The following ADCY3 variants were observed in gnomAD, a reference collection of about 807,000 sequenced individuals.
The protein encoded by ADCY3 is adenylate cyclase 3, also known as adenylate cyclase type 3.
ADCY3 carries 70 observed loss-of-function variants against 119.4 expected under a neutral mutation model. That is an observed-to-expected ratio of 0.59 (90% CI 0.48 to 0.72). ADCY3 has a LOEUF of 0.72. Among genes scored for constraint, ADCY3 ranks in the 30% least tolerant of loss-of-function variants. The pLI is 0.00. For synonymous variants in ADCY3, 672 were observed against 621.4 expected, an observed-to-expected ratio of 1.08 and a Z score of -1.21; for missense variants, 1,238 against 1,541.6, an observed-to-expected ratio of 0.80 and a Z score of 3.30.
In ADCY3 at chr2:24,821,055, C is replaced by T. The variant is rs560603340; in HGVS notation, c.3128-207G>A. The T allele has an allele frequency of 1.1e-4, 73 of 651,398 alleles. 1 individual carries two copies. The highest frequency in any genetic ancestry group is 5.9e-4 in the South Asian group (28 of 47,752). 40.4% of individuals were successfully genotyped at this position (651,398 alleles called of 1,614,324 possible). ...GTTAGGTGTCAGCCGCCACCCCCCC[C>T]CCATATGCAGATTTACTCGGCATGG... is the stretch of plus-strand genomic sequence containing the variant. On this transcript the variant is annotated intron_variant, in intron 20 of 21. Coordinates refer to ENST00000679454, the MANE Select transcript of ADCY3 (RefSeq NM_004036.5).
Position 24,826,066 on chromosome 2 carries a change from G to A in ADCY3, c.2556C>T (p.Ser852=). 2 of 1,614,126 alleles carry A rather than the reference G, an allele frequency of 1.2e-6. No individual in the cohort carries two copies. The highest frequency in any genetic ancestry group is 1.1e-5 in the South Asian group (1 of 91,074). The change falls in exon 16 of 22, where the codon AGC becomes AGT. Residue 852 remains serine (S), a synonymous_variant. Transcript: ENST00000679454. ...MTVMVFLMML[S]FYYFSRHVEK... is the part of the protein sequence containing the mutation. The stretch of plus-strand genomic sequence containing the variant: ...TCACGTGGCGGGAGAAGTAGTAGAA[G>A]CTGAGCATCATGAGGAACACCATCA...
rs1251967131 is a variant in ADCY3, at chr2:24,839,935, C to T, written c.1293G>A (p.Gln431=). Residue 431 remains glutamine, a synonymous_variant, in exon 7 of 22, where the codon CAG becomes CAA. Coordinates refer to ENST00000679454, the MANE Select transcript of ADCY3 (RefSeq NM_004036.5). Reference sequence around the variant, plus strand: ...TGACATCAGTCGACCACACGTCGTACTGCCAGCGCTTCTGGCCCAGGACGC... The same window carrying T: ...TGACATCAGTCGACCACACGTCGTATTGCCAGCGCTTCTGGCCCAGGACGC... The part of the protein sequence containing the change: ...LGGVLGQKRW[Q]YDVWSTDVTV... 1.2e-6 allele frequency: 2 copies of T among 1,613,892 alleles called. No homozygotes were observed. Among genetic ancestry groups the T allele is most frequent in the East Asian group, 2.2e-5 (1 of 44,878 alleles).
chr2:24,905,226 T>G (rs1480759405), intron 2 of ADCY3, among the ~76,000 whole-genome samples: 1 of 151,508 alleles, frequency 6.6e-6, no homozygotes, highest in African/African-American at 2.4e-5. Flanking sequence ...CTCTGCCCCC[T>G]GGGTTCACAC....
At chr2:24,908,762 C>T (rs558061621) in intron 2 of ADCY3, among the ~76,000 whole-genome samples, 99 of 152,298 alleles carry the variant, frequency 6.5e-4, no homozygotes, top group African/African-American at 2.2e-3. Context: ...GAGCATCAAT[C>T]GTGCAAAACA....
At chr2:24,859,321 C>T (rs1673367681) in intron 3 of ADCY3, among the ~76,000 whole-genome samples, 1 of 152,164 alleles carries the variant, frequency 6.6e-6, no homozygotes, top group African/African-American at 2.4e-5. Context: ...ACAGCCCTCC[C>T]ACTCGACACC....
At chr2:24,838,177 C>T (rs560549520) in intron 8 of ADCY3, among the ~76,000 whole-genome samples, 18 of 152,064 alleles carry the variant, frequency 1.2e-4, no homozygotes, top group Non-Finnish European at 2.1e-4. Context: ...TGGGCGCCAC[C>T]GACACATCTC....
In ADCY3 at chr2:24,827,883, CA is replaced by C; in HGVS notation, c.2432+18del. The C allele has an allele frequency of 6.2e-7, 1 of 1,613,354 alleles. No individual in the cohort carries two copies. Among genetic ancestry groups the C allele is most frequent in the Non-Finnish European group, 8.5e-7 (1 of 1,179,568 alleles). On this transcript the variant is annotated intron_variant, in intron 14 of 21. Coordinates refer to ENST00000679454, the MANE Select transcript of ADCY3 (RefSeq NM_004036.5). ...GGAGGAAGGAGACAATACAGATCCC[CA>C]GTCACGCTTCATCTTACTCGTGCTC... is the stretch of plus-strand genomic sequence containing the variant.
In ADCY3 at chr2:24,918,185, GT is replaced by G. The variant is rs1664688814; in HGVS notation, c.675+127del. 1 of 1,026,804 alleles carries G rather than the reference GT, an allele frequency of 9.7e-7. No homozygotes were observed. 63.6% of individuals were successfully genotyped at this position (1,026,804 alleles called of 1,614,324 possible). A position where few individuals can be genotyped will look rare whatever the true frequency, so the allele number is the denominator to read the frequency against. ...GAAAAGGCAGGGACTAGGGAGAGAG[GT>G]GAGAGCCCCGGAGGCCCCCAGGACA... On this transcript the variant is annotated intron_variant, in intron 2 of 21. Coordinates refer to ENST00000679454, the MANE Select transcript of ADCY3 (RefSeq NM_004036.5). This position sits in a 1 kb window ranked among gnomAD's most constrained non-coding sequence, Gnocchi z 5.4.
chr2:24,852,806 A>G (rs7597332), intron 3 of ADCY3, among the ~76,000 whole-genome samples: 79,877 of 152,118 alleles, frequency 0.53, 23,868 homozygotes, highest in African/African-American at 0.83. Flanking sequence ...CGGTGCTGGG[A>G]GTGCAGCCCT....
chr2:24,826,412 G>A, intron 15 of ADCY3: 1 of 338,040 alleles, frequency 3.0e-6, no homozygotes, highest in South Asian at 5.4e-5. Context: ...TTGCCTGACT[G>A]ATCACAGAGG....
intron 3 of ADCY3, among the ~76,000 whole-genome samples, chr2:24,864,490 A>C (rs1408147124): frequency 6.6e-6 from 1 of 152,234 alleles, no homozygotes; most frequent in Non-Finnish European, 1.5e-5. Flanking sequence ...CCAAATGTCC[A>C]AATGAACAAA....
chr2:24,895,712 T>C (rs547663354), intron 2 of ADCY3, among the ~76,000 whole-genome samples: 2 of 151,966 alleles, frequency 1.3e-5, no homozygotes, highest in African/African-American at 4.8e-5. Context: ...ACACAACCTA[T>C]GCCGTTGAGC....
Position 24,834,296 on chromosome 2 carries a change from G to A in ADCY3, c.1967+189C>T, listed in dbSNP as rs1039529380. Among the ~76,000 whole-genome samples, 17 of 152,204 alleles carry A rather than the reference G, an allele frequency of 1.1e-4. No homozygotes were observed. Among genetic ancestry groups the A allele is most frequent in the African/African-American group, 3.4e-4 (14 of 41,458 alleles). ...GGACTGCTCCAAAACGCGGGGCAGG[G>A]AAAAGGAAGGATGCCCAGGGTGCCG... is the stretch of plus-strand genomic sequence containing the variant. On this transcript the variant is annotated intron_variant, in intron 11 of 21. Transcript: ENST00000679454. This position sits in a 1 kb window ranked among gnomAD's most constrained non-coding sequence, Gnocchi z 4.2.
rs1670990132 is a variant in ADCY3, at chr2:24,841,342, G to A, written c.1113C>T (p.Tyr371=). Reference sequence around the variant, plus strand: ...GGTAGTCGGGCAAGCCGCAGATGCAGTAGTAGCAGTCGCCCAGGATCTTAA... The same window carrying A: ...GGTAGTCGGGCAAGCCGCAGATGCAATAGTAGCAGTCGCCCAGGATCTTAA... ...LRIKILGDCY[Y]CICGLPDYRE... Residue 371 remains tyrosine (Y), a synonymous_variant, in exon 6 of 22, where the codon TAC becomes TAT. Transcript: ENST00000679454. This position sits in a 1 kb window ranked among gnomAD's most constrained non-coding sequence, Gnocchi z 5.8. 6.2e-7 allele frequency: 1 copy of A among 1,603,344 alleles called. No individual in the cohort carries two copies. The highest frequency in any genetic ancestry group is 1.7e-5 in the Admixed American group (1 of 58,258).
rs141287481 is a variant in ADCY3, at chr2:24,880,422, G to A, written c.676-7703C>T. Among the ~76,000 whole-genome samples, 1,146 of 152,304 alleles carry A rather than the reference G, an allele frequency of 7.5e-3. 11 individuals carry two copies. The highest frequency in any genetic ancestry group is 0.026 in the African/African-American group (1,076 of 41,560). On this transcript the variant is annotated intron_variant, in intron 2 of 21. Transcript: ENST00000679454. ...AGGCTCCCCTCCCTCCAATCACAAT[G>A]GGCCTCTCTCCAGTCCTCCCTATAA...
At position 24,831,798 on chromosome 2, in the gene ADCY3, T is replaced by A. The variant is rs760873199; in HGVS notation, c.1968-49A>T. On this transcript the variant is annotated intron_variant, in intron 11 of 21. Coordinates refer to ENST00000679454, the MANE Select transcript of ADCY3 (RefSeq NM_004036.5). Reference sequence around the variant, plus strand: ...GGAGAGGCCAGAGGGGACAGTGAGATGGGGTGAGGGGCTAGGAGAGGAAGG... The same window carrying A: ...GGAGAGGCCAGAGGGGACAGTGAGAAGGGGTGAGGGGCTAGGAGAGGAAGG... 6 of 716,898 alleles carry A rather than the reference T, an allele frequency of 8.4e-6. No homozygotes were observed. The East Asian group carries it at 5.4e-4, about 64-fold the overall frequency. 44.4% of individuals were successfully genotyped at this position (716,898 alleles called of 1,614,324 possible). A position where few individuals can be genotyped will look rare whatever the true frequency, so the allele number is the denominator to read the frequency against.
chr2:24,900,368 A>G (rs1678766065), intron 2 of ADCY3, among the ~76,000 whole-genome samples: 1 of 151,684 alleles, frequency 6.6e-6, no homozygotes, highest in African/African-American at 2.4e-5. Flanking sequence ...ATAAATAAAA[A>G]ATTTTTTAAA....
Position 24,918,496 on chromosome 2 carries a change from C to A in ADCY3, c.492G>T (p.Ala164=), listed in dbSNP as rs767984579. 12 of 1,613,774 alleles carry A rather than the reference C, an allele frequency of 7.4e-6. No individual in the cohort carries two copies. The African/African-American group carries it at 1.3e-4, about 18-fold the overall frequency. Residue 164 remains alanine (A), a synonymous_variant, in exon 2 of 22, where the codon GCG becomes GCT. Transcript: ENST00000679454. This position sits in a 1 kb window ranked among gnomAD's most constrained non-coding sequence, Gnocchi z 5.4. ...YLGLNFARAH[A]ASDTVGWQVF... is the part of the protein sequence containing the mutation. ...CCTGCCAGCCCACCGTGTCACTAGCCGCGTGGGCACGCGCGAAGTTCAGGC... is the reference window on the plus strand; with the variant it reads ...CCTGCCAGCCCACCGTGTCACTAGCAGCGTGGGCACGCGCGAAGTTCAGGC...
At chr2:24,821,930 AGGTTTTGTC>A in intron 19 of ADCY3, 1 of 350,316 alleles carries the variant, frequency 2.9e-6, no homozygotes, top group South Asian at 4.0e-5. Flanking sequence ...CCTGGTCCTT[AGGTTTTGTC>A]AGGTTGTCCT....
Sources: allele counts gnomAD v4.1 joint callset (sites outside exome capture counted in the v4.1 genomes callset), GRCh38; gene constraint gnomAD v4.1.1; non-coding constraint Gnocchi (gnomAD v3.1); transcripts MANE v1.5; gene names NCBI Gene and HGNC (gene_info 2026-07-23, HGNC 2026-07-21).